Variants in APBA2 observed in about 807,000 individuals in gnomAD.
APBA2 encodes amyloid-beta A4 precursor protein-binding family A member 2.
A neutral mutation model predicts 75.0 loss-of-function variants in APBA2; 30 were observed. The ratio of observed to expected loss-of-function variants is 0.40; its 90% CI spans 0.30 to 0.54. APBA2 has a LOEUF of 0.54. APBA2 is among the 20% of genes least tolerant of loss of function. APBA2 has a pLI of 0.49. For synonymous variants in APBA2, 444 were observed against 409.6 expected (o/e 1.08, Z -1.01); for missense variants, 801 against 1,016.1 (o/e 0.79, Z 2.88).
At chr15:29,074,036 T>A (rs1235158243) in intron 4 of APBA2, among the ~76,000 whole-genome samples, 1 of 152,130 alleles carries the variant, frequency 6.6e-6, no homozygotes, top group East Asian at 1.9e-4. Flanking sequence ...TTTTGGGCAC[T>A]CTTGGTGGGA....
At chr15:28,972,657 A>T (rs2037126944) in intron 2 of APBA2, among the ~76,000 whole-genome samples, 1 of 152,236 alleles carries the variant, frequency 6.6e-6, no homozygotes, top group African/African-American at 2.4e-5. Flanking sequence ...AGAAACAAAA[A>T]TATTGTGCCC....
At chr15:28,899,827 T>A (rs1566782066) in intron 1 of APBA2, among the ~76,000 whole-genome samples, 1 of 152,140 alleles carries the variant, frequency 6.6e-6, no homozygotes, top group East Asian at 1.9e-4. Context: ...GGAATGTCTT[T>A]AAAAAAAATT....
intron 2 of APBA2, among the ~76,000 whole-genome samples, chr15:28,995,256 CAGG>C (rs1461268346): frequency 6.6e-6 from 1 of 152,144 alleles, no homozygotes; most frequent in Non-Finnish European, 1.5e-5. Context: ...CCATCTTGCC[CAGG>C]AGAAGGTGGG....
At chr15:29,083,162 A>G (rs1397645205) in intron 6 of APBA2, among the ~76,000 whole-genome samples, 2 of 152,154 alleles carry the variant, frequency 1.3e-5, no homozygotes, top group Non-Finnish European at 2.9e-5. Context: ...TCTGGAATTT[A>G]TCTTGGTGTA....
intron 3 of APBA2, among the ~76,000 whole-genome samples, chr15:29,014,808 A>G (rs1247336109): frequency 6.6e-6 from 1 of 151,454 alleles, no homozygotes; most frequent in Non-Finnish European, 1.5e-5. Flanking sequence ...TCCTGAGCTC[A>G]AGTGATCCTC....
chr15:29,074,822 C>T, intron 4 of APBA2, 99 bp from the exon 5 acceptor site: 1 of 1,002,770 alleles, frequency 1.0e-6, no homozygotes, highest in Non-Finnish European at 1.6e-6. Context: ...CAGACATACA[C>T]ATGCATTTTA....
intron 2 of APBA2, among the ~76,000 whole-genome samples, chr15:28,956,521 A>T (rs1307292060): frequency 6.6e-6 from 1 of 152,204 alleles, no homozygotes; most frequent in African/African-American, 2.4e-5. Flanking sequence ...AGCTACTATA[A>T]ACTTTTTAAA....
At chr15:29,030,070 G>A (rs879861853) in intron 3 of APBA2, among the ~76,000 whole-genome samples, 3 of 152,340 alleles carry the variant, frequency 2.0e-5, no homozygotes, top group Admixed American at 2.0e-4. Context: ...AGAACTAGGT[G>A]CCTCTGTGGC....
chr15:28,911,399 G>A lies in APBA2; in HGVS notation c.-204-10241G>A, dbSNP rs575759975. ...AGATAGTCATTTGCCTGCTTTTGGG[G>A]ACGGAGCCTGTGGTTTGCACAGGGT... On this transcript the variant is annotated intron_variant, in intron 1 of 14. Coordinates refer to ENST00000683413, the MANE Select transcript of APBA2 (RefSeq NM_001353788.2). 3.2e-4 allele frequency among the ~76,000 whole-genome samples: 49 copies of A among 152,318 alleles called. No homozygotes were observed. In the South Asian group the frequency reaches 7.0e-3, roughly 22 times the overall value.
At chr15:29,090,266 G>A (rs909005057) in intron 6 of APBA2, among the ~76,000 whole-genome samples, 8 of 152,242 alleles carry the variant, frequency 5.3e-5, no homozygotes, top group Admixed American at 2.6e-4. Context: ...GCAGGCATCC[G>A]TGGGTGCCAG....
intron 1 of APBA2, among the ~76,000 whole-genome samples, chr15:28,903,226 C>T (rs1288761732): frequency 6.6e-6 from 1 of 152,214 alleles, no homozygotes; most frequent in African/African-American, 2.4e-5. Flanking sequence ...TGATCAGCCC[C>T]TGGGCTCACT....
chr15:29,086,030 G>A lies in APBA2; in HGVS notation c.1070-7045G>A, dbSNP rs2043277673. ...TTCTATTGAATAGAATATGGTAGAAGAGATGGGATATGGCTTCCAAGATCA... is the reference window on the plus strand; with the variant it reads ...TTCTATTGAATAGAATATGGTAGAAAAGATGGGATATGGCTTCCAAGATCA... On this transcript the variant is annotated intron_variant, in intron 6 of 14. Transcript: ENST00000683413. Among the ~76,000 whole-genome samples, 4 of 152,196 alleles carry A rather than the reference G, an allele frequency of 2.6e-5. No homozygotes were observed. In the South Asian group the frequency reaches 8.3e-4, roughly 31 times the overall value.
chr15:29,098,636 T>A (rs1442308626), intron 9 of APBA2, 60 bp downstream of exon 9: 1 of 1,368,356 alleles, frequency 7.3e-7, no homozygotes, highest in African/African-American at 1.4e-5. Flanking sequence ...CTCCTTCTTG[T>A]CCCATGGTAT....
At position 29,054,028 on chromosome 15, in the gene APBA2, G is replaced by C. The variant is rs2041743829; in HGVS notation, c.144G>C (p.Leu48=). 2 of 1,613,860 alleles carry C rather than the reference G, an allele frequency of 1.2e-6. No homozygotes were observed. Among genetic ancestry groups the C allele is most frequent in the Admixed American group, 3.3e-5 (2 of 60,032 alleles). Reference sequence around the variant, plus strand: ...GCTATGTGCCCGAGGGCCTGGAGCTGGCTGCCCTGCGGCCAGAGAGCCCCG... The same window carrying C: ...GCTATGTGCCCGAGGGCCTGGAGCTCGCTGCCCTGCGGCCAGAGAGCCCCG... The part of the protein sequence containing the change: ...LEGYVPEGLE[L]AALRPESPAP... The change falls in exon 4 of 15, where the codon CTG becomes CTC. Residue 48 remains leucine (L), a synonymous_variant. Coordinates refer to ENST00000683413, the MANE Select transcript of APBA2 (RefSeq NM_001353788.2). The surrounding 1 kb of genome is among the most constrained non-coding windows in gnomAD (Gnocchi z 6.1).
At chr15:29,092,265 G>A (rs185362604) in intron 6 of APBA2, among the ~76,000 whole-genome samples, 1 of 152,268 alleles carries the variant, frequency 6.6e-6, no homozygotes, top group East Asian at 1.9e-4. Context: ...CCCCTAGCTG[G>A]AGCCTTATTG....
chr15:29,113,726 A>G (rs1029475543), intron 13 of APBA2, 150 bp from the exon 14 acceptor site: 5 of 979,026 alleles, frequency 5.1e-6, no homozygotes, highest in Non-Finnish European at 7.6e-6. Context: ...TGCATATCAT[A>G]AGGATCTCTG....
chr15:29,116,919 G>A, intron 14 of APBA2, 143 bp from the exon 15 acceptor site: 1 of 874,942 alleles, frequency 1.1e-6, no homozygotes, highest in Non-Finnish European at 2.0e-6. Context: ...CCCAGGCCTG[G>A]GCAGGCTGGC....
chr15:29,047,903 A>AATTATATTT (rs2041415189), intron 3 of APBA2, among the ~76,000 whole-genome samples: 1 of 152,236 alleles, frequency 6.6e-6, no homozygotes, highest in African/African-American at 2.4e-5. Flanking sequence ...CGCAACAGCC[A>AATTATATTT]CAGAAATATT....
chr15:29,093,290 G>T, intron 7 of APBA2, 70 bp downstream of exon 7: 1 of 1,582,556 alleles, frequency 6.3e-7, no homozygotes, highest in Non-Finnish European at 8.6e-7. Context: ...AGGGAATATG[G>T]CGGGGCGTAG....
Sources: allele counts gnomAD v4.1 joint callset (sites outside exome capture counted in the v4.1 genomes callset), GRCh38; gene constraint gnomAD v4.1.1; non-coding constraint Gnocchi (gnomAD v3.1); transcripts MANE v1.5; gene names NCBI Gene and HGNC (gene_info 2026-07-23, HGNC 2026-07-21).